Variants in TBL1XR1 observed in about 807,000 individuals in gnomAD.
The protein encoded by TBL1XR1 is F-box-like/WD repeat-containing protein TBL1XR1.
In TBL1XR1, 5 loss-of-function variants were observed where a neutral mutation model predicts 66.9. That is an observed-to-expected ratio of 0.07 (90% CI 0.04 to 0.16). The LOEUF is 0.16. TBL1XR1 is among the 10% of genes least tolerant of loss of function. The pLI, the probability that TBL1XR1 is intolerant of heterozygous loss-of-function variation, is 1.00. For synonymous variants in TBL1XR1, 210 were observed against 206.0 expected (o/e 1.02, Z -0.17); for missense variants, 238 against 623.2 (o/e 0.38, Z 6.58).
Position 177,025,236 on chromosome 3 carries a change from T to A in TBL1XR1, c.*262A>T. 1 of 400,592 alleles carries A rather than the reference T, an allele frequency of 2.5e-6. No individual in the cohort carries two copies. Among genetic ancestry groups the A allele is most frequent in the Non-Finnish European group, 4.4e-6 (1 of 226,322 alleles). 24.8% of individuals were successfully genotyped at this position (400,592 alleles called of 1,614,324 possible). A position where few individuals can be genotyped will look rare whatever the true frequency, so the allele number is the denominator to read the frequency against. On this transcript the variant is annotated 3_prime_UTR_variant, in exon 16 of 16. Coordinates refer to ENST00000457928, the MANE Select transcript of TBL1XR1 (RefSeq NM_024665.7). Reference sequence around the variant, plus strand: ...ATTTTTCTCTCTTCTGTTTTTCATATCCAAAACTTCTAAATGCTATTTTAG... The same window carrying A: ...ATTTTTCTCTCTTCTGTTTTTCATAACCAAAACTTCTAAATGCTATTTTAG...
At chr3:177,062,191 T>C (rs1718602284) in intron 3 of TBL1XR1, among the ~76,000 whole-genome samples, 2 of 152,254 alleles carry the variant, frequency 1.3e-5, no homozygotes, top group South Asian at 4.1e-4. Flanking sequence ...CTCTTTAGGA[T>C]ATGCTCTCAT....
intron 1 of TBL1XR1, among the ~76,000 whole-genome samples, chr3:177,169,816 T>C (rs1733247189): frequency 6.6e-6 from 1 of 151,618 alleles, no homozygotes; most frequent in African/African-American, 2.4e-5. Context: ...AGATGAAGAG[T>C]TCCACAATGA....
chr3:177,174,892 A>T (rs1049667127), intron 1 of TBL1XR1, among the ~76,000 whole-genome samples: 2 of 152,182 alleles, frequency 1.3e-5, no homozygotes, highest in Non-Finnish European at 2.9e-5. Flanking sequence ...GGTCAGAAGA[A>T]TGTCCTTAGG....
intron 4 of TBL1XR1, among the ~76,000 whole-genome samples, chr3:177,053,571 A>T (rs2108503100): frequency 6.6e-6 from 1 of 152,334 alleles, no homozygotes; most frequent in East Asian, 1.9e-4. Context: ...GATTAAGGCA[A>T]ACAAACTACA....
At chr3:177,116,162 T>TA (rs1726284257) in intron 1 of TBL1XR1, among the ~76,000 whole-genome samples, 1 of 152,160 alleles carries the variant, frequency 6.6e-6, no homozygotes, top group Non-Finnish European at 1.5e-5. Flanking sequence ...AAATGGTATT[T>TA]TACTTACTTG....
At chr3:177,161,467 A>G (rs1207247744) in intron 1 of TBL1XR1, among the ~76,000 whole-genome samples, 1 of 152,144 alleles carries the variant, frequency 6.6e-6, no homozygotes, top group Non-Finnish European at 1.5e-5. Flanking sequence ...ACTCAGCACT[A>G]ATAATGTCAA....
At chr3:177,162,433 AAT>A (rs920255054) in intron 1 of TBL1XR1, among the ~76,000 whole-genome samples, 1 of 152,230 alleles carries the variant, frequency 6.6e-6, no homozygotes, top group Non-Finnish European at 1.5e-5. Flanking sequence ...AAGGGTGGAT[AAT>A]ATGTTTTAAT....
intron 10 of TBL1XR1, among the ~76,000 whole-genome samples, chr3:177,039,015 G>A (rs946323943): frequency 2.6e-5 from 4 of 152,124 alleles, no homozygotes; most frequent in Non-Finnish European, 5.9e-5. Flanking sequence ...GATGCCACAA[G>A]TGGAAAATTC....
In TBL1XR1 at chr3:177,051,729, G is replaced by A. The variant is rs1320026361; in HGVS notation, c.205-3C>T. 18 of 1,528,218 alleles carry A rather than the reference G, an allele frequency of 1.2e-5. No individual in the cohort carries two copies. Among genetic ancestry groups the A allele is most frequent in the Non-Finnish European group, 1.6e-5 (18 of 1,132,706 alleles). 94.7% of individuals were successfully genotyped at this position (1,528,218 alleles called of 1,614,324 possible). A position where few individuals can be genotyped will look rare whatever the true frequency, so the allele number is the denominator to read the frequency against. On this transcript the variant is annotated splice_polypyrimidine_tract_variant and splice_region_variant and intron_variant, in intron 4 of 15. Transcript: ENST00000457928. Reference sequence around the variant, plus strand: ...CGACCATCAAACAAGGTACCATCCTGGATTTGGAAAATTGTGAGAGAAGAA... The same window carrying A: ...CGACCATCAAACAAGGTACCATCCTAGATTTGGAAAATTGTGAGAGAAGAA...
intron 2 of TBL1XR1, among the ~76,000 whole-genome samples, chr3:177,092,813 T>C (rs529074913): frequency 1.3e-5 from 2 of 152,132 alleles, no homozygotes; most frequent in Non-Finnish European, 2.9e-5. Context: ...GAAATCAAGA[T>C]GTCAAAGAGA....
chr3:177,058,943 A>G (rs1034888253), intron 3 of TBL1XR1, among the ~76,000 whole-genome samples: 3 of 152,246 alleles, frequency 2.0e-5, no homozygotes, highest in Non-Finnish European at 1.5e-5. Context: ...AAGAATTGTA[A>G]TTATCAGCAT....
At chr3:177,075,732 C>T (rs988974582) in intron 2 of TBL1XR1, among the ~76,000 whole-genome samples, 1 of 152,176 alleles carries the variant, frequency 6.6e-6, no homozygotes, top group African/African-American at 2.4e-5. Flanking sequence ...TTTCTTCCTG[C>T]CTTGGCTGCC....
intron 2 of TBL1XR1, among the ~76,000 whole-genome samples, chr3:177,071,036 T>G (rs1184470320): frequency 7.0e-6 from 1 of 143,398 alleles, no homozygotes; most frequent in South Asian, 2.2e-4. Context: ...AATCTGTTTT[T>G]TTTTTTTTTT....
chr3:177,094,354 G>A (rs558712673), intron 2 of TBL1XR1, among the ~76,000 whole-genome samples: 4 of 152,290 alleles, frequency 2.6e-5, no homozygotes, highest in African/African-American at 9.6e-5. Context: ...GGTGAAAAGG[G>A]AACACTTACA....
intron 10 of TBL1XR1, among the ~76,000 whole-genome samples, chr3:177,043,021 A>T (rs1471285013): frequency 6.6e-6 from 1 of 152,172 alleles, no homozygotes; most frequent in Non-Finnish European, 1.5e-5. Context: ...TCTCTAGTCA[A>T]ATATAAAACT....
intron 1 of TBL1XR1, among the ~76,000 whole-genome samples, chr3:177,152,728 C>G (rs1320211770): frequency 6.6e-6 from 1 of 152,190 alleles, no homozygotes; most frequent in East Asian, 1.9e-4. Context: ...ATTCTTAGAG[C>G]CATCTCAGAA....
chr3:177,139,531 T>A (rs1005796654), intron 1 of TBL1XR1, among the ~76,000 whole-genome samples: 1 of 98,116 alleles, frequency 1.0e-5, no homozygotes, highest in East Asian at 2.4e-4. Context: ...CAAGACTCCA[T>A]CTCGGGGGGA....
intron 1 of TBL1XR1, among the ~76,000 whole-genome samples, chr3:177,166,718 G>A (rs1028121258): frequency 6.6e-6 from 1 of 152,166 alleles, no homozygotes; most frequent in African/African-American, 2.4e-5. Flanking sequence ...TACCTGGTTT[G>A]GGGCTGTTCT....
intron 1 of TBL1XR1, chr3:177,110,718 T>G (rs1725450998): frequency 6.6e-6 from 1 of 152,128 alleles, no homozygotes; most frequent in South Asian, 2.1e-4. Flanking sequence ...GAATAAGAAT[T>G]AAATGAGATG....
Sources: gnomAD v4.1 joint callset for allele counts (sites outside exome capture counted in the v4.1 genomes callset) on GRCh38, gnomAD v4.1.1 for gene constraint, MANE v1.5 for transcripts, NCBI Gene and HGNC (gene_info 2026-07-23, HGNC 2026-07-21) for gene names.